The following TACC1 variants were observed in gnomAD, a reference collection of about 807,000 sequenced individuals.
TACC1 encodes the protein transforming acidic coiled-coil containing protein 1.
In TACC1, 48 loss-of-function variants were observed where a neutral mutation model predicts 84.4. The ratio of observed to expected loss-of-function variants is 0.57; its 90% confidence interval spans 0.45 to 0.72. The LOEUF (loss-of-function observed/expected upper bound fraction) is 0.72, where lower values mean the gene tolerates loss of function less well. Among genes scored for constraint, TACC1 ranks in the 30% least tolerant of loss-of-function variants. The pLI, the probability that TACC1 is intolerant of heterozygous loss-of-function variation, is 0.00. For synonymous variants in TACC1, 372 were observed against 376.3 expected (o/e 0.99, Z 0.13); for missense variants, 920 against 973.0 (o/e 0.95, Z 0.72).
Position 38,735,340 on chromosome 8 carries a change from A to G in TACC1, c.-675+6669A>G, listed in dbSNP as rs115976136. Among the ~76,000 whole-genome samples, 1,041 of 152,248 alleles carry G rather than the reference A, an allele frequency of 6.8e-3. 8 individuals carry two copies. Among genetic ancestry groups the G allele is most frequent in the African/African-American group, 0.024 (1,000 of 41,528 alleles). On this transcript the variant is annotated intron_variant, in intron 1 of 14. Coordinates refer to the TACC1 transcript ENST00000518415. The stretch of plus-strand genomic sequence containing the variant: ...GTGGAGAGTCTTGAGAGGAAGCTAA[A>G]GTTACATGGGTGCTGGATTTTTCCA...
At chr8:38,765,493 C>T (rs1016110827) in intron 3 of TACC1, among the ~76,000 whole-genome samples, 1 of 152,178 alleles carries the variant, frequency 6.6e-6, no homozygotes, top group Non-Finnish European at 1.5e-5. Flanking sequence ...AGATTGCTGT[C>T]CACACATGAA....
At chr8:38,801,923 T>G (rs1245203886) in intron 2 of TACC1, among the ~76,000 whole-genome samples, 2 of 152,200 alleles carry the variant, frequency 1.3e-5, no homozygotes, top group Admixed American at 1.3e-4. Flanking sequence ...TGTTGTTTGT[T>G]TGTTTTTTGA....
chr8:38,838,830 TC>T (rs1331666585), intron 8 of TACC1, among the ~76,000 whole-genome samples: 1 of 152,138 alleles, frequency 6.6e-6, no homozygotes, highest in African/African-American at 2.4e-5. Flanking sequence ...GAAATTTGTA[TC>T]AAAATATCCA....
intron 3 of TACC1, among the ~76,000 whole-genome samples, chr8:38,774,070 C>T (rs1180984164): frequency 2.0e-5 from 3 of 152,182 alleles, no homozygotes; most frequent in Non-Finnish European, 4.4e-5. Context: ...GCTCTTCAAC[C>T]ACGCTTACTC....
chr8:38,851,698 T>C lies in TACC1; in HGVS notation c.*3675T>C. 1 of 297,094 alleles carries C rather than the reference T, an allele frequency of 3.4e-6. No individual in the cohort carries two copies. The highest frequency in any genetic ancestry group is 2.9e-5 in the South Asian group (1 of 33,968). 18.4% of individuals were successfully genotyped at this position (297,094 alleles called of 1,614,324 possible). ...GCTTTCTGACTTGCATTTCTGACTT[T>C]ATCCTGTTGTTAGGAAGATAGAAAC... On this transcript the variant is annotated 3_prime_UTR_variant, in exon 13 of 13. Transcript: ENST00000317827.
rs775039696 is a variant in TACC1, at chr8:38,820,158, CAG to C, written c.915_916del (p.Val307Ter). On this transcript the variant is annotated frameshift_variant, in exon 3 of 13. Coordinates refer to ENST00000317827, the MANE Select transcript of TACC1 (RefSeq NM_006283.3). LOFTEE classifies it high-confidence loss of function. ...ACTCTCAGTAGTGACACCAACGACT[CAG>C]GGGTTGAGCTGGGGGAGGAGTCGAG... The C allele has an allele frequency of 9.3e-6, 15 of 1,614,038 alleles. No homozygotes were observed. Among genetic ancestry groups the C allele is most frequent in the South Asian group, 3.3e-5 (3 of 91,088 alleles).
At chr8:38,767,914 TA>T in intron 3 of TACC1, among the ~76,000 whole-genome samples, 1 of 152,058 alleles carries the variant, frequency 6.6e-6, no homozygotes, top group South Asian at 2.1e-4. Context: ...ATAATTTTTT[TA>T]AAAATTAGCC....
chr8:38,787,408 C>G lies in TACC1; in HGVS notation c.-175C>G. 13 of 1,353,162 alleles carry G rather than the reference C, an allele frequency of 9.6e-6. No homozygotes were observed. The highest frequency in any genetic ancestry group is 1.8e-5 in the South Asian group (1 of 54,882). The allele number at this position is 1,353,162 out of a possible 1,614,324, so 83.8% of individuals were successfully genotyped here. A position where few individuals can be genotyped will look rare whatever the true frequency, so the allele number is the denominator to read the frequency against. ...CCGAGGAGGACGCAGCGCCGGCTGC[C>G]GGCGGGAGGAAGCGCTCCACCAGGG... On this transcript the variant is annotated 5_prime_UTR_variant, in exon 1 of 13. Transcript: ENST00000317827.
chr8:38,842,181 T>G lies in TACC1; in HGVS notation c.1961-106T>G, dbSNP rs949199564. The G allele has an allele frequency of 2.6e-5, 34 of 1,315,138 alleles. No homozygotes were observed. In the African/African-American group the frequency reaches 4.7e-4, roughly 18 times the overall value. The allele number at this position is 1,315,138 out of a possible 1,614,324, so 81.5% of individuals were successfully genotyped here. On this transcript the variant is annotated intron_variant, in intron 9 of 12. Transcript: ENST00000317827. The stretch of plus-strand genomic sequence containing the variant: ...AGTATAAGCCATAAGAGCGGGAATT[T>G]GGTCACATCCCCGGCTGTGTCCCTA...
intron 3 of TACC1, among the ~76,000 whole-genome samples, chr8:38,750,604 A>G (rs1808856563): frequency 6.6e-6 from 1 of 152,250 alleles, no homozygotes; most frequent in Non-Finnish European, 1.5e-5. Context: ...AGGTTGCAGG[A>G]TAAAATATAC....
intron 6 of TACC1, among the ~76,000 whole-genome samples, chr8:38,834,340 G>A (rs1249805278): frequency 1.3e-5 from 2 of 152,214 alleles, no homozygotes; most frequent in African/African-American, 4.8e-5. Flanking sequence ...GGAAGTCAGA[G>A]TTTGTTCAGA....
chr8:38,790,924 A>T (rs565830927), intron 2 of TACC1, among the ~76,000 whole-genome samples: 1 of 152,340 alleles, frequency 6.6e-6, no homozygotes, highest in African/African-American at 2.4e-5. Flanking sequence ...ACTCTCAGTG[A>T]TGAAGATAAC....
At chr8:38,735,653 AG>A (rs1435605713) in intron 1 of TACC1, among the ~76,000 whole-genome samples, 1 of 152,166 alleles carries the variant, frequency 6.6e-6, no homozygotes, top group Non-Finnish European at 1.5e-5. Flanking sequence ...AGGCAGTGAC[AG>A]CATCTCCTAC....
rs549813753 is a variant in TACC1 at position 38,819,855 on chromosome 8, C to T, written c.611C>T (p.Thr204Ile). Residue 204 changes from threonine to isoleucine, a missense_variant, in exon 3 of 13, where the codon ACC becomes ATC. Physicochemically the swap from Thr to Ile is moderately conservative, Grantham distance 89. Around this residue, in one of 2 missense-constraint regions of TACC1, gnomAD observed 762 missense variants for 747.3 expected, o/e 1.02. Coordinates refer to ENST00000317827, the MANE Select transcript of TACC1 (RefSeq NM_006283.3). ...ATGACAGAAGGCAGCATGGGGGTCA[C>T]CCTCGAGGCCTCCGCAGAAGCTGAT... ...EAMTEGSMGV[T>I]LEASAEADLK... is the part of the protein sequence containing the mutation. 53 of 1,613,804 alleles carry T rather than the reference C, an allele frequency of 3.3e-5. No individual in the cohort carries two copies. Among genetic ancestry groups the T allele is most frequent in the Non-Finnish European group, 4.4e-5 (52 of 1,180,048 alleles).
chr8:38,801,621 G>A (rs1183808510), intron 2 of TACC1, among the ~76,000 whole-genome samples: 1 of 152,100 alleles, frequency 6.6e-6, no homozygotes, highest in African/African-American at 2.4e-5. Context: ...GATTACTATA[G>A]CTTTGTAGTA....
At chr8:38,802,226 A>G (rs1821559597) in intron 2 of TACC1, 2 of 152,248 alleles carry the variant, frequency 1.3e-5, no homozygotes, top group Non-Finnish European at 2.9e-5. Context: ...TTTTTATAGT[A>G]TAAGTTGTCT....
chr8:38,851,369 A>G lies in TACC1; in HGVS notation c.*3346A>G, dbSNP rs928274761. On this transcript the variant is annotated 3_prime_UTR_variant, in exon 13 of 13. Coordinates refer to ENST00000317827, the MANE Select transcript of TACC1 (RefSeq NM_006283.3). Reference sequence around the variant, plus strand: ...GAATTCACTCTAATTATAAACAGGGAGTGTAAACTGCCCCCAGATGTTCCT... The same window carrying G: ...GAATTCACTCTAATTATAAACAGGGGGTGTAAACTGCCCCCAGATGTTCCT... The G allele has an allele frequency of 6.5e-6, 1 of 152,838 alleles. No homozygotes were observed. Among genetic ancestry groups the G allele is most frequent in the Non-Finnish European group, 1.5e-5 (1 of 68,500 alleles). 9.5% of individuals were successfully genotyped at this position (152,838 alleles called of 1,614,324 possible).
chr8:38,739,845 G>A (rs1439338159), intron 1 of TACC1, among the ~76,000 whole-genome samples: 1 of 152,194 alleles, frequency 6.6e-6, no homozygotes, highest in Non-Finnish European at 1.5e-5. Context: ...GAGCCTTCAG[G>A]CTGTGATGCA....
At chr8:38,738,325 C>T (rs910118408) in intron 1 of TACC1, among the ~76,000 whole-genome samples, 17 of 152,112 alleles carry the variant, frequency 1.1e-4, no homozygotes, top group Admixed American at 1.0e-3. Context: ...AGGAGGATCT[C>T]TTGAGCCTGG....
Sources: allele counts gnomAD v4.1 joint callset (sites outside exome capture counted in the v4.1 genomes callset), GRCh38; gene constraint gnomAD v4.1.1; regional missense constraint gnomAD v4.1.1; transcripts MANE v1.5; gene names NCBI Gene and HGNC (gene_info 2026-07-23, HGNC 2026-07-21).